ADAMTS17: variants seen among roughly 807,000 people sequenced by gnomAD.
ADAMTS17 encodes the protein A disintegrin and metalloproteinase with thrombospondin motifs 17.
In ADAMTS17, 113 loss-of-function variants were observed where a neutral mutation model predicts 141.5. That is an observed-to-expected ratio of 0.80 (90% confidence interval 0.69 to 0.93). The LOEUF (loss-of-function observed/expected upper bound fraction) is 0.93. Ranked by LOEUF, ADAMTS17 falls within the 40% of genes least tolerant of loss-of-function variation. The pLI is 0.00. For missense variants in ADAMTS17, 1,659 were observed against 1,517.9 expected (o/e 1.09, Z -1.54); for synonymous variants, 768 against 630.6 (o/e 1.22, Z -3.27).
At chr15:100,149,853 C>T (rs1167800214) in intron 10 of ADAMTS17, among the ~76,000 whole-genome samples, 1 of 152,174 alleles carries the variant, frequency 6.6e-6, no homozygotes, top group Non-Finnish European at 1.5e-5. Flanking sequence ...GCATTTATTT[C>T]TAACAATCGT....
chr15:100,203,083 G>GAA (rs1474511865), intron 7 of ADAMTS17, among the ~76,000 whole-genome samples: 8 of 152,286 alleles, frequency 5.3e-5, no homozygotes, highest in Non-Finnish European at 1.2e-4. Context: ...TAATGGGCTT[G>GAA]ACTGCTCTGA....
intron 20 of ADAMTS17, chr15:99,976,460 C>G: frequency 1.6e-6 from 1 of 619,618 alleles, no homozygotes; most frequent in South Asian, 1.9e-5. Flanking sequence ...CTGGGCTGGG[C>G]ACTGTGTGTC....
At chr15:100,098,472 C>A (rs1354234616) in intron 14 of ADAMTS17, among the ~76,000 whole-genome samples, 1 of 152,024 alleles carries the variant, frequency 6.6e-6, no homozygotes, top group East Asian at 1.9e-4. Context: ...CATGGTGAAA[C>A]CCCGTCTCTA....
intron 8 of ADAMTS17, among the ~76,000 whole-genome samples, chr15:100,171,870 A>G (rs2040173108): frequency 6.6e-6 from 1 of 152,212 alleles, no homozygotes; most frequent in Non-Finnish European, 1.5e-5. Flanking sequence ...AAAGGTCTTA[A>G]CCCCGTGGAA....
chr15:100,250,667 A>C (rs2043126002), intron 7 of ADAMTS17, among the ~76,000 whole-genome samples: 1 of 152,160 alleles, frequency 6.6e-6, no homozygotes, highest in Non-Finnish European at 1.5e-5. Context: ...AAGATGTCAC[A>C]GAACTTTATA....
At position 100,096,412 on chromosome 15, in the gene ADAMTS17, C is replaced by T; in HGVS notation, c.2081G>A (p.Gly694Glu). ...CACCAAGTGGCAGGTCTTGCCGTCC[C>T]CGCTGCAGACCCCGCATCTGTCCTC... ...AKEDRCGVCS[G>E]DGKTCHLVKG... Residue 694 changes from glycine to glutamate, a missense_variant, in exon 15 of 22, where the codon GGG becomes GAG. Coordinates refer to ENST00000268070, the MANE Select transcript of ADAMTS17 (RefSeq NM_139057.4). 1 of 1,614,178 alleles carries T rather than the reference C, an allele frequency of 6.2e-7. No homozygotes were observed. Among genetic ancestry groups the T allele is most frequent in the Non-Finnish European group, 8.5e-7 (1 of 1,180,044 alleles).
chr15:100,019,174 A>G (rs1026890165), intron 18 of ADAMTS17, among the ~76,000 whole-genome samples: 1 of 152,252 alleles, frequency 6.6e-6, no homozygotes, highest in African/African-American at 2.4e-5. Context: ...AGACAGATGT[A>G]CATACCCTAA....
intron 7 of ADAMTS17, among the ~76,000 whole-genome samples, chr15:100,215,128 A>G (rs1404433963): frequency 6.6e-6 from 1 of 152,228 alleles, no homozygotes; most frequent in East Asian, 1.9e-4. Context: ...GGTTCCGGCT[A>G]CAGCCAGAGG....
At chr15:100,230,790 A>AACAC (rs201975316) in intron 7 of ADAMTS17, among the ~76,000 whole-genome samples, 3,010 of 116,208 alleles carry the variant, frequency 0.026, 105 homozygotes, top group African/African-American at 0.081. Flanking sequence ...AATGAATTTA[A>AACAC]ACACACACAC....
At chr15:100,172,319 T>C (rs1470343605) in intron 8 of ADAMTS17, among the ~76,000 whole-genome samples, 1 of 152,212 alleles carries the variant, frequency 6.6e-6, no homozygotes, top group African/African-American at 2.4e-5. Context: ...CTCATGTCTA[T>C]TGTTGGATGC....
intron 7 of ADAMTS17, among the ~76,000 whole-genome samples, chr15:100,219,872 T>G (rs1392906753): frequency 2.6e-5 from 4 of 152,222 alleles, no homozygotes; most frequent in Non-Finnish European, 5.9e-5. Context: ...CTTTAATCCT[T>G]TCTACTTTCC....
intron 18 of ADAMTS17, among the ~76,000 whole-genome samples, chr15:100,032,384 T>G (rs1382888197): frequency 2.0e-5 from 3 of 152,242 alleles, no homozygotes; most frequent in Non-Finnish European, 4.4e-5. Flanking sequence ...AGATATGTCC[T>G]GAATTTTCAT....
intron 16 of ADAMTS17, among the ~76,000 whole-genome samples, chr15:100,053,321 G>T (rs1452582089): frequency 2.0e-5 from 3 of 152,116 alleles, no homozygotes; most frequent in African/African-American, 7.2e-5. Flanking sequence ...CAGGTAAGAC[G>T]GCGCCCTGGC....
chr15:100,143,661 TTCTGC>T (rs2038763104), intron 10 of ADAMTS17, among the ~76,000 whole-genome samples: 1 of 152,240 alleles, frequency 6.6e-6, no homozygotes, highest in Non-Finnish European at 1.5e-5. Flanking sequence ...AATACTAGCA[TTCTGC>T]AGACAGACAT....
At chr15:100,190,896 AAG>A (rs1421026212) in intron 8 of ADAMTS17, among the ~76,000 whole-genome samples, 1 of 152,192 alleles carries the variant, frequency 6.6e-6, no homozygotes, top group Admixed American at 6.5e-5. Context: ...CACGTGTGGA[AAG>A]AGCACTGTGC....
intron 7 of ADAMTS17, among the ~76,000 whole-genome samples, chr15:100,199,949 C>G (rs1054222815): frequency 6.6e-6 from 1 of 152,212 alleles, no homozygotes; most frequent in South Asian, 2.1e-4. Flanking sequence ...GGGCGTGAGC[C>G]GGGGTCTGTG....
At chr15:100,206,697 G>A (rs184401855) in intron 7 of ADAMTS17, among the ~76,000 whole-genome samples, 2 of 152,280 alleles carry the variant, frequency 1.3e-5, no homozygotes, top group East Asian at 3.9e-4. Context: ...TCCTCCATGT[G>A]GGGAACGGGA....
intron 20 of ADAMTS17, among the ~76,000 whole-genome samples, chr15:99,989,002 T>C (rs1032273961): frequency 1.3e-5 from 2 of 152,164 alleles, no homozygotes; most frequent in African/African-American, 4.8e-5. Context: ...AGAACAGGAA[T>C]GGTGATGCTG....
chr15:100,247,880 ATCCCCCACCCGCACT>A (rs1012670102), intron 7 of ADAMTS17, among the ~76,000 whole-genome samples: 8 of 151,858 alleles, frequency 5.3e-5, no homozygotes, highest in Non-Finnish European at 8.8e-5. Flanking sequence ...GGCCAGCAAT[ATCCCCCACCCGCACT>A]TCCTCCACCC....
Sources: allele counts gnomAD v4.1 joint callset (sites outside exome capture counted in the v4.1 genomes callset), GRCh38; gene constraint gnomAD v4.1.1; transcripts MANE v1.5; gene names NCBI Gene and HGNC (gene_info 2026-07-23, HGNC 2026-07-21).